The following FLI1 variants were observed in gnomAD, a reference collection of about 807,000 sequenced individuals.
FLI1 encodes the protein Friend leukemia integration 1 transcription factor.
In FLI1, 13 loss-of-function variants were observed where a neutral mutation model predicts 53.1. The observed-to-expected ratio is 0.24, with a 90% CI of 0.16 to 0.39. The LOEUF (loss-of-function observed/expected upper bound fraction) is 0.39. FLI1 is among the 10% of genes least tolerant of loss of function. The pLI is 1.00. For synonymous variants in FLI1, 244 were observed against 236.7 expected, an observed-to-expected ratio of 1.03 and a Z score of -0.28; for missense variants, 424 against 600.5, an observed-to-expected ratio of 0.71 and a Z score of 3.07.
chr11:128,768,240 C>T lies in FLI1; in HGVS notation c.353C>T (p.Thr118Ile), dbSNP rs1941419644. The T allele has an allele frequency of 1.9e-6, 3 of 1,613,944 alleles. No individual in the cohort carries two copies. The East Asian group carries it at 6.7e-5, about 36-fold the overall frequency. Residue 118 changes from threonine (T) to isoleucine (I), a missense_variant, in exon 3 of 9, where the codon ACC becomes ATC. Around this residue, in one of 5 missense-constraint regions of FLI1, gnomAD observed 137 missense variants for 169.1 expected, o/e 0.81. Coordinates refer to ENST00000527786, the MANE Select transcript of FLI1 (RefSeq NM_002017.5). ...AATGGCCCCCCTCCTCCCAACATGA[C>T]CACCAACGAGAGGAGAGTCATCGTC... Reference protein sequence around the residue: ...EKNGPPPPNMTTNERRVIVPA... With the variant: ...EKNGPPPPNMITNERRVIVPA...
At chr11:128,712,256 G>A (rs1384045864) in intron 1 of FLI1, among the ~76,000 whole-genome samples, 1 of 152,154 alleles carries the variant, frequency 6.6e-6, no homozygotes, top group East Asian at 1.9e-4. Flanking sequence ...GTGACACGCT[G>A]GCTCCCCATT....
At chr11:128,712,064 C>T (rs764091811) in intron 1 of FLI1, among the ~76,000 whole-genome samples, 21 of 152,206 alleles carry the variant, frequency 1.4e-4, no homozygotes, top group South Asian at 4.2e-4. Context: ...AAGTATGATT[C>T]GCAGTGTTGG....
At chr11:128,773,775 T>C (rs1350506628) in intron 4 of FLI1, among the ~76,000 whole-genome samples, 2 of 151,712 alleles carry the variant, frequency 1.3e-5, no homozygotes, top group Non-Finnish European at 2.9e-5. Context: ...CCAGGTGGTA[T>C]ATCAATATCA....
intron 1 of FLI1, among the ~76,000 whole-genome samples, chr11:128,703,937 T>A (rs1211073655): frequency 6.6e-6 from 1 of 151,042 alleles, no homozygotes; most frequent in Admixed American, 6.6e-5. Context: ...CTGAATGTGC[T>A]GGTCCCGGTG....
intron 5 of FLI1, among the ~76,000 whole-genome samples, chr11:128,788,487 A>G (rs1591814273): frequency 6.6e-6 from 1 of 152,178 alleles, no homozygotes; most frequent in South Asian, 2.1e-4. Context: ...AAGCAAAAAA[A>G]CAACTATTTA....
In FLI1 at chr11:128,785,587, T is replaced by C. The variant is rs565585933; in HGVS notation, c.655+3564T>C. Among the ~76,000 whole-genome samples, 5 of 152,332 alleles carry C rather than the reference T, an allele frequency of 3.3e-5. 1 individual carries two copies. Among genetic ancestry groups the C allele is most frequent in the Admixed American group, 3.3e-4 (5 of 15,298 alleles). On this transcript the variant is annotated intron_variant, in intron 5 of 8. Transcript: ENST00000527786. ...TGGGCAAAGATGTGAATGTTTTGCA[T>C]TACTTGATTTCTGTCCATGCAGTTT...
intron 1 of FLI1, among the ~76,000 whole-genome samples, chr11:128,701,474 A>C (rs1938331216): frequency 6.6e-6 from 1 of 152,224 alleles, no homozygotes; most frequent in Non-Finnish European, 1.5e-5. Context: ...GCAGAGACTC[A>C]TCACCGTCAT....
intron 1 of FLI1, among the ~76,000 whole-genome samples, chr11:128,710,354 A>T (rs1378022638): frequency 6.6e-6 from 1 of 152,188 alleles, no homozygotes; most frequent in Non-Finnish European, 1.5e-5. Context: ...TATTGAACGC[A>T]TTGAACTAGG....
intron 1 of FLI1, among the ~76,000 whole-genome samples, chr11:128,734,777 GGACCCCTAAT>G (rs1424700028): frequency 6.6e-6 from 1 of 152,126 alleles, no homozygotes; most frequent in African/African-American, 2.4e-5. Context: ...AAATGTCCCT[GGACCCCTAAT>G]GAGCCCACTG....
intron 1 of FLI1, among the ~76,000 whole-genome samples, chr11:128,697,896 T>C (rs1938155150): frequency 1.3e-5 from 2 of 152,144 alleles, no homozygotes; most frequent in Admixed American, 1.3e-4. Context: ...ACAATCTCAG[T>C]TGAGTGGTGA....
chr11:128,705,184 C>G (rs1938496431), intron 1 of FLI1, among the ~76,000 whole-genome samples: 1 of 152,180 alleles, frequency 6.6e-6, no homozygotes, highest in Non-Finnish European at 1.5e-5. Context: ...TGTTTTATCT[C>G]TTTGTCTAAG....
chr11:128,767,120 G>A (rs550388557), intron 2 of FLI1, among the ~76,000 whole-genome samples: 12 of 152,288 alleles, frequency 7.9e-5, no homozygotes, highest in African/African-American at 2.6e-4. Context: ...GGCGCCAGGT[G>A]GCCATGGGTG....
chr11:128,709,118 C>T (rs559326906), intron 1 of FLI1, among the ~76,000 whole-genome samples: 2 of 152,242 alleles, frequency 1.3e-5, no homozygotes, highest in South Asian at 2.1e-4. Context: ...GTGTGGTCTT[C>T]GGTCAGATAA....
intron 1 of FLI1, among the ~76,000 whole-genome samples, chr11:128,743,353 C>T (rs543392530): frequency 4.1e-4 from 62 of 150,406 alleles, no homozygotes; most frequent in African/African-American, 1.4e-3. Flanking sequence ...TGCAGTGAGC[C>T]GTGATCATGC....
At chr11:128,741,348 G>A (rs1446447172) in intron 1 of FLI1, among the ~76,000 whole-genome samples, 7 of 152,182 alleles carry the variant, frequency 4.6e-5, no homozygotes, top group Admixed American at 2.0e-4. Context: ...AGCTGAGATC[G>A]TGCCAGTGCA....
At position 128,711,450 on chromosome 11, in the gene FLI1, G is replaced by A. The variant is rs149209570; in HGVS notation, c.18+17174G>A. On this transcript the variant is annotated intron_variant, in intron 1 of 8. Coordinates refer to ENST00000527786, the MANE Select transcript of FLI1 (RefSeq NM_002017.5). ...GGGCTGGAGCTAAGTTTTCTATCCC[G>A]TCTCCTGGCTTCATCATCAATTCTC... Among the ~76,000 whole-genome samples the A allele has an allele frequency of 1.4e-4, 21 of 152,288 alleles. No homozygotes were observed. The East Asian group carries it at 1.7e-3, about 13-fold the overall frequency.
Position 128,786,700 on chromosome 11 carries a change from T to A in FLI1, c.655+4677T>A, listed in dbSNP as rs150887603. Among the ~76,000 whole-genome samples the A allele has an allele frequency of 2.9e-3, 439 of 152,250 alleles. 3 individuals carry two copies. The highest frequency in any genetic ancestry group is 0.01 in the African/African-American group (425 of 41,544). On this transcript the variant is annotated intron_variant, in intron 5 of 8. Coordinates refer to ENST00000527786, the MANE Select transcript of FLI1 (RefSeq NM_002017.5). ...TCTGGGCAAACCCTGCCGGAGGCCTTCCCAGCACACTCAGCTGGCCCAGCA... is the reference window on the plus strand; with the variant it reads ...TCTGGGCAAACCCTGCCGGAGGCCTACCCAGCACACTCAGCTGGCCCAGCA...
intron 1 of FLI1, among the ~76,000 whole-genome samples, chr11:128,737,600 T>C (rs1171927855): frequency 2.0e-5 from 3 of 152,204 alleles, no homozygotes; most frequent in Admixed American, 2.0e-4. Flanking sequence ...ATGTATTCTG[T>C]AGAAAATTTA....
At position 128,790,252 on chromosome 11, in the gene FLI1, CA is replaced by C. The variant is rs1309618024; in HGVS notation, c.655+8230del. Among the ~76,000 whole-genome samples the C allele has an allele frequency of 8.4e-5, 9 of 107,170 alleles. No homozygotes were observed. In the South Asian group the frequency reaches 1.5e-3, roughly 18 times the overall value. 70.3% of individuals were successfully genotyped at this position (107,170 alleles called of 152,430 possible). ...CTATCTGACCCTCTTCGGAGAGTTGCATTTTTTTTTTTTTCCACGAGAGAGA... is the reference window on the plus strand; with the variant it reads ...CTATCTGACCCTCTTCGGAGAGTTGCTTTTTTTTTTTTTCCACGAGAGAGA... On this transcript the variant is annotated intron_variant, in intron 5 of 8. Coordinates refer to ENST00000527786, the MANE Select transcript of FLI1 (RefSeq NM_002017.5).
Sources: gnomAD v4.1 joint callset for allele counts (sites outside exome capture counted in the v4.1 genomes callset) on GRCh38, gnomAD v4.1.1 for gene constraint, gnomAD v4.1.1 regional missense constraint, MANE v1.5 for transcripts, NCBI Gene and HGNC (gene_info 2026-07-23, HGNC 2026-07-21) for gene names.